ST6GALNAC3: variants seen among roughly 807,000 people sequenced by gnomAD.
The protein encoded by ST6GALNAC3 is ST6 N-acetylgalactosaminide alpha-2,6-sialyltransferase 3, also known as alpha-N-acetylgalactosaminide alpha-2,6-sialyltransferase 3.
In ST6GALNAC3, 25 loss-of-function variants were observed where a neutral mutation model predicts 32.7. The ratio of observed to expected loss-of-function variants is 0.76; its 90% CI spans 0.56 to 1.07. The LOEUF (loss-of-function observed/expected upper bound fraction) is 1.07. Ranked by LOEUF, ST6GALNAC3 falls within the 50% of genes least tolerant of loss-of-function variation. The pLI, the probability that ST6GALNAC3 is intolerant of heterozygous loss-of-function variation, is 0.00. For synonymous variants in ST6GALNAC3, 129 were observed against 133.1 expected, an observed-to-expected ratio of 0.97 and a Z score of 0.21; for missense variants, 355 against 382.4, an observed-to-expected ratio of 0.93 and a Z score of 0.60.
At chr1:76,434,130 G>GC (rs764429024) in intron 3 of ST6GALNAC3, among the ~76,000 whole-genome samples, 22 of 152,118 alleles carry the variant, frequency 1.4e-4, no homozygotes, top group Non-Finnish European at 2.6e-4. Context: ...ATAAAATGCA[G>GC]CCCCCCAGAT....
intron 3 of ST6GALNAC3, among the ~76,000 whole-genome samples, chr1:76,624,514 T>G (rs114286660): frequency 0.018 from 2,812 of 152,008 alleles, 76 homozygotes; most frequent in African/African-American, 0.062. Flanking sequence ...TTTCACAGAA[T>G]AAGTGTCCAT....
At chr1:76,369,550 G>C (rs4949629) in intron 2 of ST6GALNAC3, among the ~76,000 whole-genome samples, 29,469 of 152,058 alleles carry the variant, frequency 0.19, 3,492 homozygotes, top group Admixed American at 0.31. Context: ...AGCTAGTAAT[G>C]ATGGAGCTAG....
chr1:76,525,422 C>A (rs1282644451), intron 3 of ST6GALNAC3, among the ~76,000 whole-genome samples: 1 of 152,012 alleles, frequency 6.6e-6, no homozygotes, highest in Non-Finnish European at 1.5e-5. Context: ...CTAAAAAATA[C>A]AATTGCCGTC....
chr1:76,125,456 C>T (rs1345241583), intron 1 of ST6GALNAC3, among the ~76,000 whole-genome samples: 1 of 152,182 alleles, frequency 6.6e-6, no homozygotes, highest in African/African-American at 2.4e-5. Flanking sequence ...GAGTGATCCT[C>T]ACAGTTCTGA....
intron 1 of ST6GALNAC3, among the ~76,000 whole-genome samples, chr1:76,250,893 A>G (rs574894915): frequency 6.6e-6 from 1 of 152,250 alleles, no homozygotes; most frequent in African/African-American, 2.4e-5. Flanking sequence ...CAACCACTCT[A>G]CTTAAATTGT....
At chr1:76,138,006 G>A (rs1053238021) in intron 1 of ST6GALNAC3, among the ~76,000 whole-genome samples, 18 of 152,056 alleles carry the variant, frequency 1.2e-4, no homozygotes, top group Non-Finnish European at 2.2e-4. Context: ...GTAAAACTTC[G>A]CTCTATATTC....
chr1:76,117,638 A>G (rs149455720), intron 1 of ST6GALNAC3, among the ~76,000 whole-genome samples: 294 of 152,328 alleles, frequency 1.9e-3, no homozygotes, highest in African/African-American at 6.7e-3. Flanking sequence ...TCAAATAAAC[A>G]GTCCTTGCCA....
At chr1:76,204,192 C>T (rs1332238991) in intron 1 of ST6GALNAC3, among the ~76,000 whole-genome samples, 1 of 152,126 alleles carries the variant, frequency 6.6e-6, no homozygotes, top group Non-Finnish European at 1.5e-5. Flanking sequence ...AACATAATGA[C>T]CTCCACTTCC....
intron 1 of ST6GALNAC3, among the ~76,000 whole-genome samples, chr1:76,237,801 C>T (rs1486502346): frequency 6.6e-6 from 1 of 152,118 alleles, no homozygotes; most frequent in Admixed American, 6.5e-5. Flanking sequence ...TGTTAAACAC[C>T]TATCATGTGC....
chr1:76,452,072 T>C (rs1657445756), intron 3 of ST6GALNAC3, among the ~76,000 whole-genome samples: 1 of 152,064 alleles, frequency 6.6e-6, no homozygotes, highest in African/African-American at 2.4e-5. Flanking sequence ...GATGGTGATA[T>C]GGTTTGGCTG....
intron 3 of ST6GALNAC3, among the ~76,000 whole-genome samples, chr1:76,616,905 T>G (rs1296404261): frequency 6.6e-6 from 1 of 152,220 alleles, no homozygotes; most frequent in Non-Finnish European, 1.5e-5. Flanking sequence ...AAATTAGCCT[T>G]TCTTAACGAG....
intron 2 of ST6GALNAC3, among the ~76,000 whole-genome samples, chr1:76,321,463 C>T (rs1023257949): frequency 6.6e-6 from 1 of 152,108 alleles, no homozygotes; most frequent in Non-Finnish European, 1.5e-5. Context: ...TTTACTTTTG[C>T]TGGTTTGAAC....
chr1:76,204,051 C>T (rs1234400249), intron 1 of ST6GALNAC3, among the ~76,000 whole-genome samples: 2 of 152,176 alleles, frequency 1.3e-5, no homozygotes, highest in Non-Finnish European at 2.9e-5. Context: ...CCCTTACCCC[C>T]ACTACTCTTC....
chr1:76,530,288 G>A (rs1286569395), intron 3 of ST6GALNAC3, among the ~76,000 whole-genome samples: 1 of 152,120 alleles, frequency 6.6e-6, no homozygotes, highest in Non-Finnish European at 1.5e-5. Context: ...CTGATTAATC[G>A]TAGTACTTCT....
intron 1 of ST6GALNAC3, among the ~76,000 whole-genome samples, chr1:76,105,237 A>G (rs1353026007): frequency 6.6e-6 from 1 of 152,128 alleles, no homozygotes; most frequent in Non-Finnish European, 1.5e-5. Flanking sequence ...AATATTCACA[A>G]CCTATAAGAA....
At chr1:76,522,338 C>G (rs1272371685) in intron 3 of ST6GALNAC3, among the ~76,000 whole-genome samples, 2 of 152,034 alleles carry the variant, frequency 1.3e-5, no homozygotes, top group East Asian at 3.9e-4. Context: ...TACTTTTCTT[C>G]AATTTGGAAA....
intron 3 of ST6GALNAC3, among the ~76,000 whole-genome samples, chr1:76,459,649 G>A (rs889812292): frequency 6.6e-6 from 1 of 152,020 alleles, no homozygotes; most frequent in Non-Finnish European, 1.5e-5. Context: ...GTGCCTTGTT[G>A]TTGTACAGAA....
In ST6GALNAC3 at chr1:76,630,125, GT is replaced by G. The variant is rs1649216577; in HGVS notation, c.*1320del. 8.1e-6 allele frequency: 8 copies of G among 985,074 alleles called. No homozygotes were observed. The highest frequency in any genetic ancestry group is 9.6e-6 in the Non-Finnish European group (8 of 829,806). The allele number at this position is 985,074 out of a possible 1,614,324, so 61.0% of individuals were successfully genotyped here. On this transcript the variant is annotated 3_prime_UTR_variant, in exon 5 of 5. Transcript: ENST00000328299. ...TCTTTAGCAGATGATCTGTAATTTG[GT>G]CATTGTTCTGTTATATTCCAGATTG...
chr1:76,130,746 A>G (rs982124126), intron 1 of ST6GALNAC3, among the ~76,000 whole-genome samples: 1 of 152,234 alleles, frequency 6.6e-6, no homozygotes, highest in African/African-American at 2.4e-5. Flanking sequence ...CCAGAGCCCA[A>G]TAGCAAGCAA....
Sources: gnomAD v4.1 joint callset for allele counts (sites outside exome capture counted in the v4.1 genomes callset) on GRCh38, gnomAD v4.1.1 for gene constraint, MANE v1.5 for transcripts, NCBI Gene and HGNC (gene_info 2026-07-23, HGNC 2026-07-21) for gene names.